The following CDH18 variants were observed in gnomAD, a reference collection of about 807,000 sequenced individuals.
The protein encoded by CDH18 is cadherin-18.
A neutral mutation model predicts 67.9 loss-of-function variants in CDH18; 31 were observed. The observed-to-expected ratio is 0.46, with a 90% CI of 0.34 to 0.62. The LOEUF (loss-of-function observed/expected upper bound fraction) is 0.62, where lower values mean the gene tolerates loss of function less well. Among genes scored for constraint, CDH18 ranks in the 20% least tolerant of loss-of-function variants. The pLI is 0.01. For synonymous variants in CDH18, 362 were observed against 347.2 expected (o/e 1.04, Z -0.48); for missense variants, 890 against 975.5 (o/e 0.91, Z 1.17).
chr5:20,414,903 G>A (rs1301191389), intron 1 of CDH18, among the ~76,000 whole-genome samples: 3 of 152,108 alleles, frequency 2.0e-5, no homozygotes, highest in Non-Finnish European at 2.9e-5. Flanking sequence ...GCAAAATGGT[G>A]TAGCCACAAT....
At chr5:20,005,419 C>T (rs1269135875) in intron 2 of CDH18, among the ~76,000 whole-genome samples, 5 of 43,464 alleles carry the variant, frequency 1.2e-4, no homozygotes, top group African/African-American at 3.7e-4. Context: ...TATATGTACA[C>T]ACACACACAC....
chr5:19,801,287 G>T (rs1034917950), intron 3 of CDH18, among the ~76,000 whole-genome samples: 1 of 152,080 alleles, frequency 6.6e-6, no homozygotes, highest in South Asian at 2.1e-4. Context: ...CTAAGTACAC[G>T]TATGTTTCAT....
intron 2 of CDH18, among the ~76,000 whole-genome samples, chr5:19,872,848 G>A (rs994499469): frequency 2.5e-4 from 38 of 152,188 alleles, no homozygotes; most frequent in African/African-American, 8.7e-4. Flanking sequence ...AAGCCTAGAG[G>A]GCCTCTCTGG....
chr5:19,764,878 T>A (rs1430635757), intron 3 of CDH18, among the ~76,000 whole-genome samples: 1 of 152,212 alleles, frequency 6.6e-6, no homozygotes, highest in Non-Finnish European at 1.5e-5. Flanking sequence ...CTGCATTGCA[T>A]AAGAATTTGA....
At chr5:19,760,046 C>T (rs1772131034) in intron 3 of CDH18, among the ~76,000 whole-genome samples, 1 of 152,114 alleles carries the variant, frequency 6.6e-6, no homozygotes, top group Admixed American at 6.6e-5. Flanking sequence ...TAGCCAATGC[C>T]AGAGCTCTAC....
At chr5:19,701,872 A>C (rs1763289742) in intron 5 of CDH18, among the ~76,000 whole-genome samples, 1 of 152,272 alleles carries the variant, frequency 6.6e-6, no homozygotes, top group African/African-American at 2.4e-5. Context: ...CTTCTTTCCC[A>C]GAAAAGTATA....
chr5:20,159,094 G>C (rs1417235358), intron 2 of CDH18: 2 of 152,186 alleles, frequency 1.3e-5, no homozygotes, highest in Non-Finnish European at 2.9e-5. Flanking sequence ...ATTCAATCTT[G>C]ATGATGAAAA....
At chr5:19,568,415 C>T (rs576936809) in intron 8 of CDH18, among the ~76,000 whole-genome samples, 3 of 152,210 alleles carry the variant, frequency 2.0e-5, no homozygotes, top group South Asian at 2.1e-4. Flanking sequence ...GAATACGAGA[C>T]GTTGGTAGTC....
At chr5:19,562,196 A>T (rs2149890863) in intron 8 of CDH18, among the ~76,000 whole-genome samples, 1 of 152,316 alleles carries the variant, frequency 6.6e-6, no homozygotes, top group East Asian at 1.9e-4. Context: ...TGTATATTAG[A>T]TACCTTTAAC....
intron 1 of CDH18, among the ~76,000 whole-genome samples, chr5:20,480,503 T>A (rs55638786): frequency 6.6e-6 from 1 of 152,002 alleles, no homozygotes; most frequent in African/African-American, 2.4e-5. Context: ...CTGCAGCCTG[T>A]GCCTCCCAGG....
At chr5:20,045,817 A>G (rs1311042509) in intron 2 of CDH18, among the ~76,000 whole-genome samples, 2 of 152,010 alleles carry the variant, frequency 1.3e-5, no homozygotes, top group African/African-American at 4.8e-5. Context: ...GACATCCTTA[A>G]TATCTTCAGA....
intron 8 of CDH18, among the ~76,000 whole-genome samples, chr5:19,564,448 T>G (rs1740008609): frequency 1.3e-5 from 2 of 151,982 alleles, no homozygotes; most frequent in African/African-American, 4.8e-5. Context: ...CAGACAACAT[T>G]TTTAGATACA....
At chr5:19,856,327 A>G (rs1784283072) in intron 2 of CDH18, among the ~76,000 whole-genome samples, 1 of 152,210 alleles carries the variant, frequency 6.6e-6, no homozygotes, top group Non-Finnish European at 1.5e-5. Context: ...AAAATTTTAT[A>G]CACCCAAGAT....
At position 20,574,254 on chromosome 5, in the gene CDH18, C is replaced by A. The variant is rs183188890; in HGVS notation, c.-580+1208G>T. 3.4e-3 allele frequency among the ~76,000 whole-genome samples: 497 copies of A among 147,948 alleles called. 1 individual carries two copies. Among genetic ancestry groups the A allele is most frequent in the African/African-American group, 0.013 (473 of 37,806 alleles). On this transcript the variant is annotated intron_variant, in intron 1 of 14. Transcript: ENST00000507958. The stretch of plus-strand genomic sequence containing the variant: ...AAAATATAAATAAGGGTGAATAAAA[C>A]ACACAAAAACAACTATTTAGAGTAT...
chr5:20,242,600 AAAAAAAAAAAAAT>A (rs1321709578), intron 2 of CDH18, among the ~76,000 whole-genome samples: 1 of 69,124 alleles, frequency 1.4e-5, no homozygotes, highest in African/African-American at 1.0e-4. Flanking sequence ...TTGAGGGAAA[AAAAAAAAAAAAAT>A]ATATATATAT....
At chr5:20,490,117 C>A (rs1311038928) in intron 1 of CDH18, among the ~76,000 whole-genome samples, 3 of 151,022 alleles carry the variant, frequency 2.0e-5, no homozygotes, top group African/African-American at 4.8e-5. Flanking sequence ...AATAAATAAT[C>A]ATTGCTACTC....
chr5:20,557,126 A>C (rs1477124527), intron 1 of CDH18, among the ~76,000 whole-genome samples: 1 of 152,152 alleles, frequency 6.6e-6, no homozygotes, highest in Non-Finnish European at 1.5e-5. Flanking sequence ...AGTAACAGGT[A>C]CAGAATAAAA....
intron 2 of CDH18, among the ~76,000 whole-genome samples, chr5:20,063,420 T>G (rs1267076398): frequency 1.3e-5 from 2 of 152,126 alleles, no homozygotes; most frequent in Non-Finnish European, 2.9e-5. Flanking sequence ...TCACTGTGTA[T>G]GCATTATTTA....
chr5:19,869,660 T>A (rs1786004278), intron 2 of CDH18, among the ~76,000 whole-genome samples: 1 of 152,160 alleles, frequency 6.6e-6, no homozygotes, highest in Non-Finnish European at 1.5e-5. Flanking sequence ...AATGAGATCA[T>A]CCATTTTTTC....
Sources: allele counts gnomAD v4.1 joint callset (sites outside exome capture counted in the v4.1 genomes callset), GRCh38; gene constraint gnomAD v4.1.1; transcripts MANE v1.5; gene names NCBI Gene and HGNC (gene_info 2026-07-23, HGNC 2026-07-21).